Variants in VWA8 observed in about 807,000 individuals in gnomAD.
VWA8 encodes the protein von Willebrand factor A domain-containing protein 8.
In VWA8, 221 loss-of-function variants were observed where a neutral mutation model predicts 241.5. That is an observed-to-expected ratio of 0.91 (90% CI 0.82 to 1.02). The LOEUF (loss-of-function observed/expected upper bound fraction) is 1.02. VWA8 is among the 50% of genes least tolerant of loss of function. VWA8 has a pLI of 0.00. For missense variants in VWA8, 2,322 were observed against 2,328.7 expected (o/e 1.00, Z 0.06); for synonymous variants, 852 against 827.1 (o/e 1.03, Z -0.52).
rs565690456 is a variant in VWA8 at position 41,838,999 on chromosome 13, T to C, written c.1426-5468A>G. Among the ~76,000 whole-genome samples the C allele has an allele frequency of 5.4e-4, 82 of 152,332 alleles. 1 individual carries two copies. The highest frequency in any genetic ancestry group is 2.5e-3 in the Admixed American group (39 of 15,300). On this transcript the variant is annotated intron_variant, in intron 12 of 44. Coordinates refer to ENST00000379310, the MANE Select transcript of VWA8 (RefSeq NM_015058.2). The stretch of plus-strand genomic sequence containing the variant: ...TATAGTAGAATGATTTATAATCCTT[T>C]GGTTATATACTGAGTAATGGGATTG...
At chr13:41,761,345 G>T in intron 20 of VWA8, 141 bp from the exon 21 acceptor site, 1 of 720,658 alleles carries the variant, frequency 1.4e-6, no homozygotes, top group Non-Finnish European at 2.3e-6. Context: ...AACCAAACTG[G>T]CAAACATATA....
At chr13:41,627,922 G>A (rs1039393845) in intron 37 of VWA8, among the ~76,000 whole-genome samples, 4 of 152,146 alleles carry the variant, frequency 2.6e-5, no homozygotes, top group Admixed American at 6.5e-5. Context: ...AGATGATGCA[G>A]GAAAATAGAG....
chr13:41,802,214 G>T (rs1480051969), intron 17 of VWA8, among the ~76,000 whole-genome samples: 3 of 152,204 alleles, frequency 2.0e-5, no homozygotes, highest in Non-Finnish European at 4.4e-5. Flanking sequence ...GTGTGCTTGG[G>T]AGAGAAAGAG....
chr13:41,936,081 TG>T (rs1471337728), intron 2 of VWA8, among the ~76,000 whole-genome samples: 3 of 152,144 alleles, frequency 2.0e-5, no homozygotes, highest in Admixed American at 6.5e-5. Context: ...TGTCAGAAGA[TG>T]TACTTTTTAT....
intron 2 of VWA8, among the ~76,000 whole-genome samples, chr13:41,913,115 T>A (rs532506946): frequency 1.3e-5 from 2 of 152,148 alleles, no homozygotes; most frequent in South Asian, 4.1e-4. Flanking sequence ...CCCTTAAAGG[T>A]ATAATATTGA....
chr13:41,936,527 T>C (rs1877359791), intron 2 of VWA8, among the ~76,000 whole-genome samples: 1 of 152,194 alleles, frequency 6.6e-6, no homozygotes, highest in Non-Finnish European at 1.5e-5. Flanking sequence ...ACAATGTCTT[T>C]AATGGTGACT....
intron 26 of VWA8, among the ~76,000 whole-genome samples, chr13:41,711,938 AAC>A (rs1380595029): frequency 1.4e-5 from 2 of 141,626 alleles, no homozygotes; most frequent in Non-Finnish European, 3.0e-5. Flanking sequence ...TGTTAATGCA[AAC>A]ACTTTTTTTT....
Position 41,950,030 on chromosome 13 carries a change from A to G in VWA8, c.164-17T>C. On this transcript the variant is annotated splice_polypyrimidine_tract_variant and intron_variant, in intron 1 of 44. Coordinates refer to ENST00000379310, the MANE Select transcript of VWA8 (RefSeq NM_015058.2). ...CTGTATCACCTAAAAAGAGATTTTA[A>G]AAACAGAATAATTATAAGAGACAAA... is the stretch of plus-strand genomic sequence containing the variant. 2 of 1,446,974 alleles carry G rather than the reference A, an allele frequency of 1.4e-6. No individual in the cohort carries two copies. The highest frequency in any genetic ancestry group is 2.5e-5 in the South Asian group (2 of 78,838). The allele number at this position is 1,446,974 out of a possible 1,614,324, so 89.6% of individuals were successfully genotyped here. A position where few individuals can be genotyped will look rare whatever the true frequency, so the allele number is the denominator to read the frequency against.
chr13:41,891,610 CA>C (rs756507292), intron 4 of VWA8, 23 bp from the exon 5 acceptor site: 7 of 1,612,494 alleles, frequency 4.3e-6, no homozygotes, highest in Non-Finnish European at 5.9e-6. Flanking sequence ...AACGTAAAAG[CA>C]AAATGAGAAT....
chr13:41,590,227 C>T (rs2096865511), intron 41 of VWA8, among the ~76,000 whole-genome samples: 1 of 152,154 alleles, frequency 6.6e-6, no homozygotes, highest in Non-Finnish European at 1.5e-5. Context: ...AAGGCCACCA[C>T]TCCATCAACC....
intron 42 of VWA8, among the ~76,000 whole-genome samples, chr13:41,583,642 C>CAAAAAAAAA (rs935505646): frequency 4.7e-5 from 2 of 42,170 alleles, no homozygotes; most frequent in African/African-American, 9.4e-5. Context: ...GACTCCATCT[C>CAAAAAAAAA]AAAAAAAAAA....
chr13:41,822,961 C>T (rs561520669), intron 14 of VWA8, among the ~76,000 whole-genome samples: 2 of 152,132 alleles, frequency 1.3e-5, no homozygotes, highest in East Asian at 3.9e-4. Flanking sequence ...GTAAAAGGGG[C>T]AGGAGTCGGG....
chr13:41,708,318 G>A (rs1296237766), intron 26 of VWA8, among the ~76,000 whole-genome samples: 4 of 151,826 alleles, frequency 2.6e-5, no homozygotes, highest in South Asian at 2.1e-4. Flanking sequence ...CCAAGATCGC[G>A]CCACTGCACT....
intron 26 of VWA8, among the ~76,000 whole-genome samples, chr13:41,715,625 A>G (rs2045343557): frequency 6.6e-6 from 1 of 152,018 alleles, no homozygotes; most frequent in Non-Finnish European, 1.5e-5. Context: ...TTTAAAGTTT[A>G]TATTTATAGT....
Position 41,811,283 on chromosome 13 carries a change from G to T in VWA8, c.2005C>A (p.Leu669Met), listed in dbSNP as rs750141254. The T allele has an allele frequency of 1.9e-6, 3 of 1,611,254 alleles. No homozygotes were observed. In the Admixed American group the frequency reaches 5.0e-5, roughly 27 times the overall value. Residue 669 changes from leucine (L) to methionine (M), a missense_variant, in exon 17 of 45, where the codon CTG (leucine) becomes ATG (methionine). By Grantham distance (15) the Leu-to-Met change is conservative. Transcript: ENST00000379310. ...AGATTTTCATTAGGATACTGTGACAGCCGACGAGAAATTCGCAACAGTTGT... is the reference window on the plus strand; with the variant it reads ...AGATTTTCATTAGGATACTGTGACATCCGACGAGAAATTCGCAACAGTTGT... ...TRQLLRISRR[L>M]SQYPNENLHS...
At chr13:41,903,042 T>G (rs1302599364) in intron 4 of VWA8, among the ~76,000 whole-genome samples, 1 of 152,066 alleles carries the variant, frequency 6.6e-6, no homozygotes, top group East Asian at 1.9e-4. Flanking sequence ...AACATCAAAT[T>G]CAATGGTTAA....
Position 41,780,294 on chromosome 13 carries a change from A to C in VWA8, c.2278-2238T>G, listed in dbSNP as rs137951164. 9.8e-5 allele frequency among the ~76,000 whole-genome samples: 15 copies of C among 152,304 alleles called. No homozygotes were observed. In the East Asian group the frequency reaches 2.7e-3, roughly 27 times the overall value. On this transcript the variant is annotated intron_variant, in intron 19 of 44. Transcript: ENST00000379310. ...CAGCTCTACACCAATCTTCAACAGC[A>C]AAACTCCTCCTCAACTACAGCCCTC...
rs568078792 is a variant in VWA8 at position 41,710,209 on chromosome 13, C to T, written c.3117-6798G>A. On this transcript the variant is annotated intron_variant, in intron 26 of 44. Transcript: ENST00000379310. ...GATTACATGTCAACCATTTCCTTCA[C>T]TTACAAGACTCAACAAATGATGCAC... Among the ~76,000 whole-genome samples the T allele has an allele frequency of 3.5e-4, 53 of 152,288 alleles. 1 individual carries two copies. In the South Asian group the frequency reaches 0.011, roughly 31 times the overall value.
intron 42 of VWA8, among the ~76,000 whole-genome samples, chr13:41,583,762 G>C (rs916059588): frequency 2.0e-5 from 3 of 152,096 alleles, no homozygotes; most frequent in Admixed American, 6.5e-5. Flanking sequence ...TGGTAGGGGA[G>C]GTGGCTGTTC....
Sources: gnomAD v4.1 joint callset for allele counts (sites outside exome capture counted in the v4.1 genomes callset) on GRCh38, gnomAD v4.1.1 for gene constraint, MANE v1.5 for transcripts, NCBI Gene and HGNC (gene_info 2026-07-23, HGNC 2026-07-21) for gene names.